KRT34: variants seen among roughly 807,000 people sequenced by gnomAD.
KRT34 encodes keratin, type I cuticular Ha4.
KRT34 carries 31 observed loss-of-function variants against 41.7 expected under a neutral mutation model. The observed-to-expected ratio is 0.74, with a 90% CI of 0.56 to 1.00. KRT34 has a LOEUF of 1.00. Among genes scored for constraint, KRT34 ranks in the 50% least tolerant of loss-of-function variants. The probability of loss-of-function intolerance (pLI) is 0.00; values close to 1 mark genes in which losing one functional copy is unlikely to be tolerated. For missense variants in KRT34, 523 were observed against 500.3 expected, an observed-to-expected ratio of 1.05 and a Z score of -0.43; for synonymous variants, 224 against 212.9, an observed-to-expected ratio of 1.05 and a Z score of -0.45.
chr17:41,382,161 T>C lies in KRT34; in HGVS notation c.86A>G (p.Tyr29Cys). Residue 29 changes from tyrosine (Y) to cysteine (C), a missense_variant, in exon 1 of 7, where the codon TAC (tyrosine) becomes TGC (cysteine). Tyr to Cys is a radical substitution (Grantham distance 194). Transcript: ENST00000394001. ...RPCVPPSCHGYTLPGACNIPA... is the reference protein window; with the variant it reads ...RPCVPPSCHGCTLPGACNIPA... ...GATGTTGCAGGCCCCAGGCAGGGTG[T>C]AGCCGTGGCAGCTGGGGGGCACGCA... 6.8e-6 allele frequency: 11 copies of C among 1,612,362 alleles called. No homozygotes were observed. The highest frequency in any genetic ancestry group is 4.0e-5 in the African/African-American group (3 of 75,014).
In KRT34 at chr17:41,381,967, G is replaced by T. The variant is rs748580306; in HGVS notation, c.280C>A (p.Gln94Lys). The change falls in exon 1 of 7, where the codon CAG (glutamine) becomes AAG (lysine). Residue 94 changes from glutamine to lysine, a missense_variant. By Grantham distance (53) the Gln-to-Lys change is moderately conservative (BLOSUM62 1). Coordinates refer to ENST00000394001, the MANE Select transcript of KRT34 (RefSeq NM_001386014.1). ...CTGGGGCACAGCAAGGGCTCCTGCT[G>T]CTGGGACCGCTCCTGGATGAGTTTC... Reference protein sequence around the residue: ...LEKLIQERSQQQEPLLCPSYQ... With the variant: ...LEKLIQERSQKQEPLLCPSYQ... The T allele has an allele frequency of 6.2e-6, 10 of 1,614,282 alleles. No homozygotes were observed. The highest frequency in any genetic ancestry group is 8.5e-7 in the Non-Finnish European group (1 of 1,180,046).
Position 41,378,945 on chromosome 17 carries a change from C to T in KRT34, c.1097+11G>A. On this transcript the variant is annotated intron_variant, in intron 6 of 6. Coordinates refer to ENST00000394001, the MANE Select transcript of KRT34 (RefSeq NM_001386014.1). The stretch of plus-strand genomic sequence containing the variant: ...CACATTCTTCCCAGACATTATTTGC[C>T]CCATACTCACTTGCAGTCCTCACTC... The T allele has an allele frequency of 6.2e-7, 1 of 1,614,022 alleles. No homozygotes were observed. The highest frequency in any genetic ancestry group is 8.5e-7 in the Non-Finnish European group (1 of 1,179,910).
upstream of KRT34, among the ~76,000 whole-genome samples, chr17:41,382,636 G>T (rs72828156): frequency 0.081 from 12,375 of 152,146 alleles, 561 homozygotes; most frequent in African/African-American, 0.11. Flanking sequence ...GGGAATCAGG[G>T]ATTCCTCACC....
intron 3 of KRT34, 89 bp downstream of exon 3, chr17:41,380,967 C>A (rs1001215546): frequency 5.4e-5 from 71 of 1,322,742 alleles, no homozygotes; most frequent in Non-Finnish European, 7.6e-5. Flanking sequence ...AGAAGGGTCC[C>A]AGACCAGGGA....
Position 41,381,751 on chromosome 17 carries a change from A to G in KRT34, c.393T>C (p.Ile131=). Residue 131 remains isoleucine (I), a synonymous_variant, in exon 2 of 7, where the codon ATT becomes ATC. Transcript: ENST00000394001. Reference sequence around the variant, plus strand: ...CGTCAGAGGCCAGCTTGGCATTGTCAATGTTCACCACCAGCCTGGCATTCT... The same window carrying G: ...CGTCAGAGGCCAGCTTGGCATTGTCGATGTTCACCACCAGCCTGGCATTCT... ...KAENARLVVN[I]DNAKLASDDF... is the part of the protein sequence containing the mutation. The G allele has an allele frequency of 6.2e-7, 1 of 1,614,232 alleles. No individual in the cohort carries two copies. Among genetic ancestry groups the G allele is most frequent in the Non-Finnish European group, 8.5e-7 (1 of 1,180,038 alleles).
Position 41,377,771 on chromosome 17 carries a change from T to A in KRT34, c.*288A>T, listed in dbSNP as rs1050304534. ...GGAAAACAGGAAATGCAGTAGTACG[T>A]TCAGGAAACACCTTAAGTAGTAACT... On this transcript the variant is annotated 3_prime_UTR_variant, in exon 7 of 7. Transcript: ENST00000394001. 1 of 399,936 alleles carries A rather than the reference T, an allele frequency of 2.5e-6. No individual in the cohort carries two copies. Among genetic ancestry groups the A allele is most frequent in the Non-Finnish European group, 4.5e-6 (1 of 222,104 alleles). 24.8% of individuals were successfully genotyped at this position (399,936 alleles called of 1,614,324 possible).
chr17:41,381,672 G>A (rs770974651), intron 2 of KRT34, 41 bp downstream of exon 2: 4 of 1,534,528 alleles, frequency 2.6e-6, no homozygotes, highest in Non-Finnish European at 3.6e-6. Context: ...TAGGTCCCTA[G>A]GGCCATGAAA....
At chr17:41,380,209 A>C (rs939223726) in intron 3 of KRT34, among the ~76,000 whole-genome samples, 2 of 151,952 alleles carry the variant, frequency 1.3e-5, no homozygotes, top group Non-Finnish European at 2.9e-5. Flanking sequence ...CAGTGAGCCT[A>C]GATCACGCCA....
rs1280742060 is a variant in KRT34, at chr17:41,381,357, T to G, written c.432-145A>C. 4.8e-5 allele frequency: 42 copies of G among 870,768 alleles called. No individual in the cohort carries two copies. In the Admixed American group the frequency reaches 1.2e-3, roughly 24 times the overall value. 53.9% of individuals were successfully genotyped at this position (870,768 alleles called of 1,614,324 possible). A position where few individuals can be genotyped will look rare whatever the true frequency, so the allele number is the denominator to read the frequency against. On this transcript the variant is annotated intron_variant, in intron 2 of 6. Coordinates refer to ENST00000394001, the MANE Select transcript of KRT34 (RefSeq NM_001386014.1). Reference sequence around the variant, plus strand: ...CCATATGCTTCAGTCAAGCTGTCCATGGATAGGCTGAAGAGGTTCCCTGAC... The same window carrying G: ...CCATATGCTTCAGTCAAGCTGTCCAGGGATAGGCTGAAGAGGTTCCCTGAC...
chr17:41,383,480 T>C (rs1249529120), upstream of KRT34, among the ~76,000 whole-genome samples: 1 of 152,082 alleles, frequency 6.6e-6, no homozygotes, highest in African/African-American at 2.4e-5. Context: ...AGCAACAGCC[T>C]CTCTAAAGAT....
chr17:41,383,089 G>A (rs187757217), upstream of KRT34, among the ~76,000 whole-genome samples: 3 of 150,642 alleles, frequency 2.0e-5, no homozygotes, highest in African/African-American at 7.3e-5. Flanking sequence ...GCACGATCTC[G>A]GCTCACTGCA....
Position 41,378,069 on chromosome 17 carries a change from C to T in KRT34, c.1175G>A (p.Cys392Tyr), listed in dbSNP as rs2017877219. ...GAGGATACAAGCTTTTCAATTACAG[C>T]AACCCTTTTGAGAGGTGCCACAGGG... ...CGPCGTSQKG[C>Y]CN The change falls in exon 7 of 7, where the codon TGC becomes TAC. Residue 392 changes from cysteine (C) to tyrosine (Y), a missense_variant. Transcript: ENST00000394001. The T allele has an allele frequency of 6.2e-7, 1 of 1,612,480 alleles. No individual in the cohort carries two copies. Among genetic ancestry groups the T allele is most frequent in the African/African-American group, 1.3e-5 (1 of 74,896 alleles).
chr17:41,381,824 A>T, intron 1 of KRT34, 29 bp from the exon 2 acceptor site: 1 of 1,614,014 alleles, frequency 6.2e-7, no homozygotes, highest in Non-Finnish European at 8.5e-7. Flanking sequence ...CATGAGGTAC[A>T]CTTGAACTTG....
rs755251502 is a variant in KRT34, at chr17:41,381,952, G to C, written c.295C>G (p.Leu99Val). The C allele has an allele frequency of 2.5e-6, 4 of 1,614,276 alleles. No homozygotes were observed. The highest frequency in any genetic ancestry group is 1.7e-5 in the Admixed American group (1 of 60,034). ...QERSQQQEPL[L>V]CPSYQSYFKT... The stretch of plus-strand genomic sequence containing the variant: ...AAGTAGGACTGGTAGCTGGGGCACA[G>C]CAAGGGCTCCTGCTGCTGGGACCGC... The change falls in exon 1 of 7, where the codon CTG becomes GTG. Residue 99 changes from leucine to valine, a missense_variant. Coordinates refer to ENST00000394001, the MANE Select transcript of KRT34 (RefSeq NM_001386014.1).
intron 3 of KRT34, 91 bp downstream of exon 3, chr17:41,380,965 C>A: frequency 7.7e-7 from 1 of 1,293,554 alleles, no homozygotes; most frequent in Admixed American, 1.7e-5. Flanking sequence ...AGAGAAGGGT[C>A]CCAGACCAGG....
chr17:41,380,340 A>T (rs758327379), intron 3 of KRT34, among the ~76,000 whole-genome samples: 1 of 152,198 alleles, frequency 6.6e-6, no homozygotes, highest in Non-Finnish European at 1.5e-5. Context: ...TCCAACAGGG[A>T]TCACGTCAAT....
intron 3 of KRT34, among the ~76,000 whole-genome samples, chr17:41,380,283 T>C (rs560263168): frequency 6.7e-6 from 1 of 149,898 alleles, no homozygotes; most frequent in South Asian, 2.1e-4. Flanking sequence ...AAAAGGAAGA[T>C]TCTGATCATT....
At position 41,382,128 on chromosome 17, in the gene KRT34, T is replaced by C. The variant is rs1216541608; in HGVS notation, c.119A>G (p.Asn40Ser). 2 of 1,612,450 alleles carry C rather than the reference T, an allele frequency of 1.2e-6. No homozygotes were observed. Among genetic ancestry groups the C allele is most frequent in the African/African-American group, 1.3e-5 (1 of 75,008 alleles). The change falls in exon 1 of 7, where the codon AAT becomes AGT. Residue 40 changes from asparagine (N) to serine (S), a missense_variant. Asn to Ser is a conservative substitution (Grantham distance 46, BLOSUM62 1). Coordinates refer to ENST00000394001, the MANE Select transcript of KRT34 (RefSeq NM_001386014.1). Reference sequence around the variant, plus strand: ...ACAGAACCAGTTGCAGTTGCTCACATTGGCGGGGATGTTGCAGGCCCCAGG... The same window carrying C: ...ACAGAACCAGTTGCAGTTGCTCACACTGGCGGGGATGTTGCAGGCCCCAGG... ...TLPGACNIPA[N>S]VSNCNWFCEG...
intron 3 of KRT34, 139 bp downstream of exon 3, chr17:41,380,917 G>A (rs2017966702): frequency 3.6e-6 from 3 of 834,438 alleles, no homozygotes; most frequent in Non-Finnish European, 6.0e-6. Flanking sequence ...TGATATGGAT[G>A]TAGCACCGTC....
Sources: allele counts gnomAD v4.1 joint callset (sites outside exome capture counted in the v4.1 genomes callset), GRCh38; gene constraint gnomAD v4.1.1; transcripts MANE v1.5; gene names NCBI Gene and HGNC (gene_info 2026-07-23, HGNC 2026-07-21).